Variants in DSCAML1 observed in about 807,000 individuals in gnomAD.
DSCAML1 encodes cell adhesion molecule DSCAML1.
A neutral mutation model predicts 200.5 loss-of-function variants in DSCAML1; 38 were observed. That is an observed-to-expected ratio of 0.19 (90% confidence interval 0.15 to 0.25). DSCAML1 has a LOEUF of 0.25. DSCAML1 is among the 10% of genes least tolerant of loss of function. DSCAML1 has a pLI of 1.00. For synonymous variants in DSCAML1, 1,215 were observed against 1,165.0 expected, an observed-to-expected ratio of 1.04 and a Z score of -0.87; for missense variants, 2,223 against 2,858.8, an observed-to-expected ratio of 0.78 and a Z score of 5.07.
intron 3 of DSCAML1, among the ~76,000 whole-genome samples, chr11:117,719,623 T>G (rs2054011850): frequency 6.6e-6 from 1 of 152,242 alleles, no homozygotes. Flanking sequence ...GGTACTGTTG[T>G]CTTTACAACT....
At chr11:117,559,383 A>T (rs2050620121) in intron 3 of DSCAML1, among the ~76,000 whole-genome samples, 1 of 152,184 alleles carries the variant, frequency 6.6e-6, no homozygotes, top group Admixed American at 6.5e-5. Flanking sequence ...TCACTTTCGT[A>T]ACCAACTGCA....
intron 3 of DSCAML1, among the ~76,000 whole-genome samples, chr11:117,696,609 T>G (rs1401179162): frequency 8.8e-6 from 1 of 114,058 alleles, no homozygotes; most frequent in African/African-American, 3.3e-5. Flanking sequence ...CCAGGGACAC[T>G]CATCTTGCTG....
At chr11:117,526,249 T>C (rs189196372) in intron 4 of DSCAML1, among the ~76,000 whole-genome samples, 4 of 152,268 alleles carry the variant, frequency 2.6e-5, no homozygotes, top group African/African-American at 9.6e-5. Context: ...TTATCCTCAA[T>C]GCCAAGGCCT....
Position 117,780,231 on chromosome 11 carries a change from GGAAAGAAAGAAA to G in DSCAML1, c.364+250_364+261del, listed in dbSNP as rs762329735. Among the ~76,000 whole-genome samples, 237 of 60,658 alleles carry G rather than the reference GGAAAGAAAGAAA, an allele frequency of 3.9e-3. 4 individuals carry two copies. Among genetic ancestry groups the G allele is most frequent in the African/African-American group, 0.014 (207 of 15,260 alleles). 39.8% of individuals were successfully genotyped at this position (60,658 alleles called of 152,430 possible). A position where few individuals can be genotyped will look rare whatever the true frequency, so the allele number is the denominator to read the frequency against. On this transcript the variant is annotated intron_variant, in intron 2 of 32. Coordinates refer to ENST00000651296, the MANE Select transcript of DSCAML1 (RefSeq NM_020693.4). This position sits in a 1 kb window ranked among gnomAD's most constrained non-coding sequence, Gnocchi z 4.8. ...AAAGAGAGAGAGAGAAAGAAAGAAA[GGAAAGAAAGAAA>G]GAAAGAAAGAAAGAAAGAAAGAAAG...
intron 3 of DSCAML1, among the ~76,000 whole-genome samples, chr11:117,705,408 C>T (rs546291240): frequency 5.3e-5 from 8 of 152,140 alleles, no homozygotes; most frequent in Non-Finnish European, 1.2e-4. Flanking sequence ...TTCTACTCCC[C>T]AGCAACACAG....
At chr11:117,451,438 T>A (rs1048863226) in intron 19 of DSCAML1, among the ~76,000 whole-genome samples, 6 of 152,246 alleles carry the variant, frequency 3.9e-5, no homozygotes, top group Admixed American at 3.9e-4. Flanking sequence ...TAGCATCCCA[T>A]TCAATTTATT....
At chr11:117,729,309 A>C (rs2054181077) in intron 3 of DSCAML1, among the ~76,000 whole-genome samples, 1 of 152,360 alleles carries the variant, frequency 6.6e-6, no homozygotes, top group South Asian at 2.1e-4. Context: ...AGCTAAAAAT[A>C]TAAAACTGTT....
At position 117,437,144 on chromosome 11, in the gene DSCAML1, G is replaced by A. The variant is rs2047935091; in HGVS notation, c.4698C>T (p.Phe1566=). 2 of 1,613,404 alleles carry A rather than the reference G, an allele frequency of 1.2e-6. No individual in the cohort carries two copies. Among genetic ancestry groups the A allele is most frequent in the Non-Finnish European group, 8.5e-7 (1 of 1,179,626 alleles). The stretch of plus-strand genomic sequence containing the variant: ...CACTGCCATCGTAGTCCAGGGTGGC[G>A]AACTGGGCTGTTTCATTGCCGCAGC... ...SAGCGNETAQ[F]ATLDYDGSTI... is the part of the protein sequence containing the mutation. Residue 1566 remains phenylalanine, a synonymous_variant, in exon 26 of 33, where the codon TTC becomes TTT. Transcript: ENST00000651296. This position sits in a 1 kb window ranked among gnomAD's most constrained non-coding sequence, Gnocchi z 5.3.
chr11:117,640,691 G>A (rs1311224044), intron 3 of DSCAML1, among the ~76,000 whole-genome samples: 2 of 152,146 alleles, frequency 1.3e-5, no homozygotes, highest in Non-Finnish European at 2.9e-5. Context: ...CTTTCACGTG[G>A]TGCTTGCAAA....
chr11:117,510,727 A>G (rs1232839406), intron 8 of DSCAML1, among the ~76,000 whole-genome samples: 1 of 152,146 alleles, frequency 6.6e-6, no homozygotes, highest in African/African-American at 2.4e-5. Flanking sequence ...AGTGCCTGGA[A>G]TCTAGTGGAG....
At chr11:117,494,025 C>G (rs1245028032) in intron 11 of DSCAML1, among the ~76,000 whole-genome samples, 1 of 152,220 alleles carries the variant, frequency 6.6e-6, no homozygotes, top group Non-Finnish European at 1.5e-5. Flanking sequence ...ATGGCTAATG[C>G]TGTACATGAA....
chr11:117,544,264 C>T (rs542965641), intron 3 of DSCAML1, among the ~76,000 whole-genome samples: 1 of 152,328 alleles, frequency 6.6e-6, no homozygotes, highest in South Asian at 2.1e-4. Context: ...ATACAGGTTA[C>T]CAGTTGCTGC....
At chr11:117,586,648 G>A (rs2051149327) in intron 3 of DSCAML1, among the ~76,000 whole-genome samples, 1 of 152,174 alleles carries the variant, frequency 6.6e-6, no homozygotes, top group Admixed American at 6.5e-5. Context: ...AGTAGTGAGG[G>A]GCTGGGGAAG....
intron 11 of DSCAML1, among the ~76,000 whole-genome samples, chr11:117,486,264 T>TGGGAAAGTGGCGGATGGGAAAGTGGC (rs1565730867): frequency 1.5e-4 from 12 of 82,734 alleles, no homozygotes; most frequent in African/African-American, 4.5e-4. Flanking sequence ...GGGAAAGTGG[T>TGGGAAAGTGGCGGATGGGAAAGTGGC]GGATGGGAAA....
chr11:117,580,758 C>T (rs941853336), intron 3 of DSCAML1, among the ~76,000 whole-genome samples: 8 of 152,180 alleles, frequency 5.3e-5, no homozygotes, highest in African/African-American at 1.9e-4. Flanking sequence ...CCCCTTCCTT[C>T]TAGCACTGCT....
intron 27 of DSCAML1, 72 bp from the exon 28 acceptor site, chr11:117,433,543 T>TA: frequency 1.3e-6 from 2 of 1,541,830 alleles, no homozygotes; most frequent in Non-Finnish European, 1.8e-6. Flanking sequence ...GGGAGAGGCA[T>TA]GGGAAACAAG....
chr11:117,594,868 T>A (rs2051330455), intron 3 of DSCAML1, among the ~76,000 whole-genome samples: 1 of 152,220 alleles, frequency 6.6e-6, no homozygotes, highest in Non-Finnish European at 1.5e-5. Context: ...TATTATTCAC[T>A]TCTCCTGTCA....
intron 3 of DSCAML1, among the ~76,000 whole-genome samples, chr11:117,577,268 C>T (rs1266828804): frequency 6.6e-6 from 1 of 152,216 alleles, no homozygotes; most frequent in Non-Finnish European, 1.5e-5. Context: ...GATGCCCTGG[C>T]CCTGCTCTCA....
At position 117,538,761 on chromosome 11, in the gene DSCAML1, C is replaced by T. The variant is rs986331973; in HGVS notation, c.512-6239G>A. ...AAGGTGGGGCCCTGGCTGCTCTGCT[C>T]TCAGGGAGGGGTGAGGGGGAGTGTG... On this transcript the variant is annotated intron_variant, in intron 3 of 32. Coordinates refer to ENST00000651296, the MANE Select transcript of DSCAML1 (RefSeq NM_020693.4). 9.8e-5 allele frequency among the ~76,000 whole-genome samples: 14 copies of T among 143,518 alleles called. No individual in the cohort carries two copies. In the East Asian group the frequency reaches 2.4e-3, roughly 25 times the overall value. The allele number at this position is 143,518 out of a possible 152,430, so 94.2% of individuals were successfully genotyped here.
Sources: gnomAD v4.1 joint callset for allele counts (sites outside exome capture counted in the v4.1 genomes callset) on GRCh38, gnomAD v4.1.1 for gene constraint, Gnocchi (gnomAD v3.1) non-coding constraint, MANE v1.5 for transcripts, NCBI Gene and HGNC (gene_info 2026-07-23, HGNC 2026-07-21) for gene names.